The following GSE1 variants were observed in gnomAD, a reference collection of about 807,000 sequenced individuals.
GSE1 encodes the protein Gse1 coiled-coil protein.
A neutral mutation model predicts 112.6 loss-of-function variants in GSE1; 32 were observed. That is an observed-to-expected ratio of 0.28 (90% CI 0.21 to 0.38). GSE1 has a LOEUF of 0.38. Ranked by LOEUF, GSE1 falls within the 10% of genes least tolerant of loss-of-function variation. The probability of loss-of-function intolerance (pLI) is 1.00; values close to 1 mark genes in which losing one functional copy is unlikely to be tolerated. For missense variants in GSE1, 2,348 were observed against 1,699.2 expected, an observed-to-expected ratio of 1.38 and a Z score of -6.71; for synonymous variants, 1,115 against 735.6, an observed-to-expected ratio of 1.52 and a Z score of -8.35.
rs200565172 is a variant in GSE1, at chr16:85,527,201, C to T, written c.2465-106713C>T. ...GCTTCCCCCTCGTGAGGAACCGCTG[C>T]CTGGGCTTGTCTCCCCACTGGTCCG... On this transcript the variant is annotated intron_variant, in intron 2 of 2. Transcript: ENST00000637419. Among the ~76,000 whole-genome samples, 4 of 152,366 alleles carry T rather than the reference C, an allele frequency of 2.6e-5. No individual in the cohort carries two copies. The East Asian group carries it at 7.7e-4, about 29-fold the overall frequency.
At chr16:85,218,193 C>T (rs754439929) in intron 1 of GSE1, among the ~76,000 whole-genome samples, 8 of 152,168 alleles carry the variant, frequency 5.3e-5, no homozygotes, top group Non-Finnish European at 1.2e-4. Flanking sequence ...TGAATCACCA[C>T]GCCTGGCTCG....
chr16:85,443,669 A>C (rs2049435979), intron 2 of GSE1, among the ~76,000 whole-genome samples: 1 of 152,226 alleles, frequency 6.6e-6, no homozygotes. Context: ...TGGCAGCAGG[A>C]GGTGCAATGC....
chr16:85,662,929 C>G lies in GSE1; in HGVS notation c.2261-52C>G, dbSNP rs1489076938. 4 of 1,285,598 alleles carry G rather than the reference C, an allele frequency of 3.1e-6. No individual in the cohort carries two copies. In the African/African-American group the frequency reaches 5.9e-5, roughly 19 times the overall value. The allele number at this position is 1,285,598 out of a possible 1,614,324, so 79.6% of individuals were successfully genotyped here. On this transcript the variant is annotated intron_variant, in intron 9 of 15. Coordinates refer to ENST00000253458, the MANE Select transcript of GSE1 (RefSeq NM_014615.5). ...ACATGAGGCCCTGCGGGCATGTCCA[C>G]TGGACAGATGAAGGCTCTTTGTCTG...
At chr16:85,567,985 G>A (rs1243365366) in intron 1 of GSE1, among the ~76,000 whole-genome samples, 1 of 152,134 alleles carries the variant, frequency 6.6e-6, no homozygotes, top group African/African-American at 2.4e-5. Context: ...CAGCCTCCCA[G>A]TGGTGTTAGG....
chr16:85,242,392 G>C (rs891333051), intron 1 of GSE1, among the ~76,000 whole-genome samples: 2 of 152,248 alleles, frequency 1.3e-5, no homozygotes, highest in Admixed American at 6.5e-5. Flanking sequence ...GGGTGGGTCA[G>C]TGTGGTCAGC....
chr16:85,313,950 CAT>C (rs2045924827), intron 1 of GSE1, among the ~76,000 whole-genome samples: 1 of 130,058 alleles, frequency 7.7e-6, no homozygotes, highest in South Asian at 2.3e-4. Flanking sequence ...GTGTGTGTGA[CAT>C]AGCCTAGTGT....
intron 2 of GSE1, among the ~76,000 whole-genome samples, chr16:85,471,179 C>T (rs2050283095): frequency 6.6e-6 from 1 of 152,182 alleles, no homozygotes; most frequent in African/African-American, 2.4e-5. Context: ...GACGCCCAGT[C>T]CCTGCTGCCC....
At chr16:85,667,039 T>G (rs2052921025) in intron 13 of GSE1, among the ~76,000 whole-genome samples, 1 of 152,230 alleles carries the variant, frequency 6.6e-6, no homozygotes, top group African/African-American at 2.4e-5. Flanking sequence ...CTATGCCACT[T>G]TATATCAGGG....
chr16:85,248,428 C>T (rs890245396), intron 1 of GSE1, among the ~76,000 whole-genome samples: 10 of 151,830 alleles, frequency 6.6e-5, no homozygotes, highest in African/African-American at 2.2e-4. Flanking sequence ...TTTCTCTTCC[C>T]GCATCTCTCT....
In GSE1 at chr16:85,668,333, T is replaced by C. The variant is rs144571053; in HGVS notation, c.3324T>C (p.Asp1108=). The C allele has an allele frequency of 7.5e-5, 121 of 1,612,080 alleles. No homozygotes were observed. Among genetic ancestry groups the C allele is most frequent in the Non-Finnish European group, 9.9e-5 (117 of 1,178,948 alleles). The stretch of plus-strand genomic sequence containing the variant: ...ACTCGGAGGAGGAGGAAGAGGAGGA[T>C]GATGAAGATGGAGAAGATGAGGAGG... The part of the protein sequence containing the change: ...DRDSEEEEEE[D]DEDGEDEEEV... Residue 1108 remains aspartate, a synonymous_variant, in exon 14 of 16, where the codon GAT becomes GAC. Coordinates refer to ENST00000253458, the MANE Select transcript of GSE1 (RefSeq NM_014615.5).
intron 14 of GSE1, chr16:85,670,530 A>G (rs1329954277): frequency 1.3e-5 from 2 of 152,326 alleles, no homozygotes; most frequent in Non-Finnish European, 2.9e-5. Context: ...TTGCTGAAAC[A>G]CTGTGTATAA....
chr16:85,456,793 T>G (rs77636169), intron 2 of GSE1, among the ~76,000 whole-genome samples: 1 of 151,982 alleles, frequency 6.6e-6, no homozygotes, highest in Non-Finnish European at 1.5e-5. Flanking sequence ...CTCAGGGTCC[T>G]GGCGGGGAGA....
chr16:85,596,233 C>T (rs2047221086), intron 1 of GSE1, among the ~76,000 whole-genome samples: 1 of 152,154 alleles, frequency 6.6e-6, no homozygotes, highest in Non-Finnish European at 1.5e-5. Flanking sequence ...GCATGATGGT[C>T]CGCCTAACGT....
At chr16:85,242,854 T>C (rs960491141) in intron 1 of GSE1, among the ~76,000 whole-genome samples, 1 of 152,220 alleles carries the variant, frequency 6.6e-6, no homozygotes, top group African/African-American at 2.4e-5. Flanking sequence ...CTCTGTCATC[T>C]AGGCTGGAGT....
chr16:85,637,962 GGAGGTGGCAGGA>G (rs761715488), intron 2 of GSE1, among the ~76,000 whole-genome samples: 9 of 152,182 alleles, frequency 5.9e-5, no homozygotes, highest in Non-Finnish European at 1.0e-4. Context: ...AGCTGCAGGG[GGAGGTGGCAGGA>G]GAGGTGGCAG....
At chr16:85,203,235 A>G (rs987923791) in intron 1 of GSE1, among the ~76,000 whole-genome samples, 119 of 152,094 alleles carry the variant, frequency 7.8e-4, no homozygotes, top group African/African-American at 2.8e-3. Flanking sequence ...TGCGATGGCC[A>G]CCTAGATGGA....
exon 1 of GSE1, chr16:85,170,677 C>T: frequency 2.0e-6 from 2 of 985,704 alleles, no homozygotes; most frequent in Non-Finnish European, 2.4e-6. Context: ...CCACCAGGTC[C>T]ACGTGCAGAA....
chr16:85,179,095 G>A (rs1019782555), intron 1 of GSE1, among the ~76,000 whole-genome samples: 2 of 152,092 alleles, frequency 1.3e-5, no homozygotes, highest in Non-Finnish European at 2.9e-5. Context: ...CACCATGACT[G>A]TCCAGTTCCA....
chr16:85,175,140 A>G lies in GSE1; in HGVS notation c.2283+3333A>G, dbSNP rs562426435. The stretch of plus-strand genomic sequence containing the variant: ...GAAACATGAGAAAAATAAAGAGAAG[A>G]AAGAAAGAAGAGGAGGAGGGTGTCC... On this transcript the variant is annotated intron_variant, in intron 1 of 2. Transcript: ENST00000637419. Among the ~76,000 whole-genome samples the G allele has an allele frequency of 1.3e-4, 20 of 152,310 alleles. No individual in the cohort carries two copies. The East Asian group carries it at 3.5e-3, about 26-fold the overall frequency.
Sources: gnomAD v4.1 joint callset for allele counts (sites outside exome capture counted in the v4.1 genomes callset) on GRCh38, gnomAD v4.1.1 for gene constraint, MANE v1.5 for transcripts, NCBI Gene and HGNC (gene_info 2026-07-23, HGNC 2026-07-21) for gene names.